Variants in HOMER2 observed in about 807,000 individuals in gnomAD.
HOMER2 encodes the protein homer scaffold protein 2.
In HOMER2, 27 loss-of-function variants were observed where a neutral mutation model predicts 47.0. The ratio of observed to expected loss-of-function variants is 0.57; its 90% CI spans 0.42 to 0.79. HOMER2 has a LOEUF of 0.79. Among genes scored for constraint, HOMER2 ranks in the 30% least tolerant of loss-of-function variants. The probability of loss-of-function intolerance (pLI) is 0.00; values close to 1 mark genes in which losing one functional copy is unlikely to be tolerated. For synonymous variants in HOMER2, 161 were observed against 163.8 expected, an observed-to-expected ratio of 0.98 and a Z score of 0.13; for missense variants, 443 against 435.0, an observed-to-expected ratio of 1.02 and a Z score of -0.16.
chr15:82,896,260 G>A (rs2052914064), intron 1 of HOMER2, among the ~76,000 whole-genome samples: 1 of 152,180 alleles, frequency 6.6e-6, no homozygotes, highest in South Asian at 2.1e-4. Flanking sequence ...CCTACAGGAG[G>A]GAGGAAGTGA....
chr15:82,865,101 G>C (rs1390216568), intron 3 of HOMER2, among the ~76,000 whole-genome samples: 1 of 152,242 alleles, frequency 6.6e-6, no homozygotes, highest in African/African-American at 2.4e-5. Context: ...CCAGATAACA[G>C]ATGTAGGTGA....
intron 2 of HOMER2, among the ~76,000 whole-genome samples, chr15:82,878,840 C>G (rs1246340232): frequency 2.0e-5 from 3 of 152,202 alleles, no homozygotes; most frequent in Admixed American, 2.0e-4. Flanking sequence ...GTTGCCCTGG[C>G]TGATCTCAAA....
chr15:82,986,045 G>A (rs2030589139), upstream of HOMER2: 2 of 984,856 alleles, frequency 2.0e-6, no homozygotes, highest in African/African-American at 1.7e-5. Context: ...TGCATGGAGG[G>A]CATCATCCAC....
At chr15:82,889,136 A>G (rs1026923098) in intron 2 of HOMER2, among the ~76,000 whole-genome samples, 11 of 152,238 alleles carry the variant, frequency 7.2e-5, no homozygotes, top group Non-Finnish European at 2.9e-5. Flanking sequence ...GGTGCAGCCC[A>G]TGAGCTAAGA....
At chr15:82,893,625 C>CT (rs537549847) in intron 1 of HOMER2, among the ~76,000 whole-genome samples, 22,412 of 134,922 alleles carry the variant, frequency 0.17, 2,165 homozygotes, top group African/African-American at 0.28. Context: ...GCCACTGCGC[C>CT]TTTTTTTTTT....
chr15:82,966,985 C>T (rs1387781577), intron 1 of HOMER2, among the ~76,000 whole-genome samples: 2 of 152,258 alleles, frequency 1.3e-5, no homozygotes, highest in Non-Finnish European at 2.9e-5. Flanking sequence ...TGGCTGGATA[C>T]GGTGGCTCAC....
At chr15:82,851,900 G>A (rs959829038) in intron 7 of HOMER2, among the ~76,000 whole-genome samples, 10 of 152,246 alleles carry the variant, frequency 6.6e-5, no homozygotes, top group Admixed American at 4.6e-4. Context: ...CTTGTGAAAT[G>A]TTCAGCTCCC....
chr15:82,864,140 G>A (rs1468181906), intron 4 of HOMER2, 27 bp downstream of exon 4: 1 of 1,479,780 alleles, frequency 6.8e-7, no homozygotes, highest in South Asian at 1.2e-5. Flanking sequence ...ACCCCACTGG[G>A]ATTTACTTCA....
At chr15:82,952,417 C>T (rs950294591) in intron 1 of HOMER2, 114 bp downstream of exon 1, 60 of 747,594 alleles carry the variant, frequency 8.0e-5, no homozygotes, top group Admixed American at 2.4e-4. Context: ...CTCGCTCCGG[C>T]TTGGGGAGGC....
At chr15:82,942,730 C>T (rs187270250) in intron 1 of HOMER2, among the ~76,000 whole-genome samples, 1 of 152,362 alleles carries the variant, frequency 6.6e-6, no homozygotes, top group African/African-American at 2.4e-5. Flanking sequence ...CCTGTAAAAG[C>T]AACGAGTTGG....
chr15:82,971,702 A>C (rs2029994520), intron 1 of HOMER2, among the ~76,000 whole-genome samples: 1 of 152,124 alleles, frequency 6.6e-6, no homozygotes, highest in Admixed American at 6.6e-5. Flanking sequence ...ACTGTGCTAA[A>C]ATCAGTCCAG....
chr15:82,855,169 T>C (rs1345573297), intron 5 of HOMER2, among the ~76,000 whole-genome samples: 1 of 151,410 alleles, frequency 6.6e-6, no homozygotes, highest in Non-Finnish European at 1.5e-5. Context: ...AACCTGTCTC[T>C]ACTAAAAATA....
rs771392216 is a variant in HOMER2 at position 82,893,329 on chromosome 15, C to CTT, written c.6-490_6-489dup. ...TAATTTATGAATGACATAATTTTAT[C>CTT]TTTTTTTTTTTTTTTTTTTTGGATA... On this transcript the variant is annotated intron_variant, in intron 1 of 8. Transcript: ENST00000450735. Among the ~76,000 whole-genome samples, 961 of 118,874 alleles carry CTT rather than the reference C, an allele frequency of 8.1e-3. 18 individuals are homozygous for CTT. The highest frequency in any genetic ancestry group is 0.013 in the African/African-American group (407 of 31,416). 78.0% of individuals were successfully genotyped at this position (118,874 alleles called of 152,430 possible).
chr15:82,853,261 C>G (rs916023060), intron 6 of HOMER2, among the ~76,000 whole-genome samples: 1 of 73,172 alleles, frequency 1.4e-5, no homozygotes, highest in Non-Finnish European at 3.1e-5. Flanking sequence ...TTCCTCCACT[C>G]CCCCCGCACT....
At chr15:82,853,389 CAA>C (rs2051462148) in intron 6 of HOMER2, among the ~76,000 whole-genome samples, 1 of 152,232 alleles carries the variant, frequency 6.6e-6, no homozygotes, top group Non-Finnish European at 1.5e-5. Flanking sequence ...TGGGAACGTG[CAA>C]AGTCAGCAAT....
At chr15:82,893,625 C>G (rs1002213687) in intron 1 of HOMER2, among the ~76,000 whole-genome samples, 102 of 134,980 alleles carry the variant, frequency 7.6e-4, no homozygotes, top group Admixed American at 1.8e-3. Flanking sequence ...GCCACTGCGC[C>G]TTTTTTTTTT....
chr15:82,836,015 G>T (rs943224577), downstream of HOMER2: 10 of 152,194 alleles, frequency 6.6e-5, no homozygotes, highest in African/African-American at 2.4e-4. Flanking sequence ...ATAATTCTCA[G>T]AATTTGCTTT....
chr15:82,855,535 A>G (rs951378822), intron 5 of HOMER2, among the ~76,000 whole-genome samples: 1 of 152,080 alleles, frequency 6.6e-6, no homozygotes, highest in Non-Finnish European at 1.5e-5. Flanking sequence ...CTGGGTTTAA[A>G]CAAGCAAGAA....
intron 1 of HOMER2, among the ~76,000 whole-genome samples, chr15:82,979,558 C>T (rs528952259): frequency 6.6e-6 from 1 of 152,190 alleles, no homozygotes; most frequent in African/African-American, 2.4e-5. Context: ...AGACTGTCAC[C>T]TTGGTTTGTG....
Sources: allele counts gnomAD v4.1 joint callset (sites outside exome capture counted in the v4.1 genomes callset), GRCh38; gene constraint gnomAD v4.1.1; transcripts MANE v1.5; gene names NCBI Gene and HGNC (gene_info 2026-07-23, HGNC 2026-07-21).